Variants in CDH13 observed in about 807,000 individuals in gnomAD.
CDH13 encodes cadherin-13.
In CDH13, 24 loss-of-function variants were observed where a neutral mutation model predicts 63.8. The ratio of observed to expected loss-of-function variants is 0.38; its 90% CI spans 0.27 to 0.53. CDH13 has a LOEUF of 0.53. Ranked by LOEUF, CDH13 falls within the 20% of genes least tolerant of loss-of-function variation. The pLI, the probability that CDH13 is intolerant of heterozygous loss-of-function variation, is 0.85. For missense variants in CDH13, 1,049 were observed against 903.1 expected (o/e 1.16, Z -2.07); for synonymous variants, 503 against 355.3 (o/e 1.42, Z -4.67).
rs1904276060 is a variant in CDH13 at position 83,795,258 on chromosome 16, T to C, written c.*228T>C. The C allele has an allele frequency of 5.6e-6, 3 of 537,066 alleles. No homozygotes were observed. The highest frequency in any genetic ancestry group is 2.4e-5 in the South Asian group (1 of 42,164). 33.3% of individuals were successfully genotyped at this position (537,066 alleles called of 1,614,324 possible). A position where few individuals can be genotyped will look rare whatever the true frequency, so the allele number is the denominator to read the frequency against. ...TGGAATCTTCTGAATTTTCCCTGAA[T>C]GTTTAAAGATCATGACATATGACTT... On this transcript the variant is annotated 3_prime_UTR_variant, in exon 14 of 14. Transcript: ENST00000567109.
chr16:82,997,061 G>A (rs1324757760), intron 2 of CDH13, among the ~76,000 whole-genome samples: 4 of 151,698 alleles, frequency 2.6e-5, no homozygotes, highest in Non-Finnish European at 5.9e-5. Context: ...TGATAGTGAT[G>A]GTGATGGTGG....
chr16:83,311,934 C>T (rs1160440093), intron 5 of CDH13, among the ~76,000 whole-genome samples: 4 of 151,622 alleles, frequency 2.6e-5, no homozygotes, highest in Admixed American at 2.0e-4. Flanking sequence ...ATTAGCCAGG[C>T]GTGGTGGTGC....
chr16:83,650,704 C>A (rs1912289306), intron 8 of CDH13, among the ~76,000 whole-genome samples: 1 of 152,134 alleles, frequency 6.6e-6, no homozygotes, highest in East Asian at 1.9e-4. Flanking sequence ...AACAATTATC[C>A]ATCCCAGAAT....
chr16:82,773,348 C>A (rs2035348136), intron 1 of CDH13: 1 of 152,266 alleles, frequency 6.6e-6, no homozygotes, highest in African/African-American at 2.4e-5. Context: ...TAGTAGCCAG[C>A]AGCAAGGACA....
At chr16:82,732,245 G>A (rs1230040340) in intron 1 of CDH13, among the ~76,000 whole-genome samples, 4 of 152,002 alleles carry the variant, frequency 2.6e-5, no homozygotes, top group African/African-American at 7.3e-5. Context: ...GAAATATTAT[G>A]TTTGTAGCTG....
intron 2 of CDH13, among the ~76,000 whole-genome samples, chr16:83,011,013 A>G (rs1914098422): frequency 6.6e-6 from 1 of 152,186 alleles, no homozygotes; most frequent in Non-Finnish European, 1.5e-5. Flanking sequence ...GCCTAATTTT[A>G]AATGGCTTAC....
chr16:83,144,986 T>C (rs1294410299), intron 4 of CDH13, among the ~76,000 whole-genome samples: 1 of 152,210 alleles, frequency 6.6e-6, no homozygotes, highest in Admixed American at 6.5e-5. Context: ...TCCTGGGGCT[T>C]GTGATACAGA....
chr16:82,699,516 G>T (rs1269758406), intron 1 of CDH13, among the ~76,000 whole-genome samples: 1 of 152,166 alleles, frequency 6.6e-6, no homozygotes, highest in East Asian at 1.9e-4. Flanking sequence ...CATTAACATG[G>T]CCACCCTTAA....
At chr16:82,985,514 G>A (rs80265945) in intron 2 of CDH13, among the ~76,000 whole-genome samples, 72 of 152,254 alleles carry the variant, frequency 4.7e-4, no homozygotes, top group Admixed American at 1.5e-3. Flanking sequence ...CCTTTCTCTT[G>A]CAGATAAATT....
intron 5 of CDH13, among the ~76,000 whole-genome samples, chr16:83,230,216 A>G (rs144740410): frequency 9.8e-5 from 15 of 152,302 alleles, no homozygotes; most frequent in African/African-American, 3.6e-4. Flanking sequence ...CCAAAGTCAC[A>G]TTAGTTCCTG....
At chr16:83,253,101 T>G (rs371572970) in intron 5 of CDH13, among the ~76,000 whole-genome samples, 1 of 152,230 alleles carries the variant, frequency 6.6e-6, no homozygotes. Context: ...CTTACTAATC[T>G]GGTGGTGGTG....
intron 7 of CDH13, among the ~76,000 whole-genome samples, chr16:83,526,358 T>G (rs28573280): frequency 6.6e-6 from 1 of 152,086 alleles, no homozygotes; most frequent in Non-Finnish European, 1.5e-5. Context: ...ACCAGTTTCA[T>G]GGAAGACAAT....
chr16:82,966,734 T>A (rs141759905), intron 2 of CDH13, among the ~76,000 whole-genome samples: 2 of 152,362 alleles, frequency 1.3e-5, no homozygotes, highest in Non-Finnish European at 2.9e-5. Context: ...TCACATTTAC[T>A]TAATGATTCC....
intron 7 of CDH13, among the ~76,000 whole-genome samples, chr16:83,541,637 G>A (rs1014153253): frequency 1.3e-5 from 2 of 152,216 alleles, no homozygotes; most frequent in Middle Eastern, 3.2e-3. Flanking sequence ...AAGGTCTAGA[G>A]GAAGGCACAG....
At chr16:83,166,213 C>G (rs1035905839) in intron 4 of CDH13, among the ~76,000 whole-genome samples, 5 of 152,112 alleles carry the variant, frequency 3.3e-5, no homozygotes, top group South Asian at 4.2e-4. Context: ...ATTCTTGATA[C>G]TGTAAGTGAA....
At chr16:82,650,787 T>C (rs1419907514) in intron 1 of CDH13, among the ~76,000 whole-genome samples, 2 of 152,196 alleles carry the variant, frequency 1.3e-5, no homozygotes, top group Non-Finnish European at 2.9e-5. Context: ...ACATCCAGGA[T>C]TGATTTTGCA....
intron 10 of CDH13, among the ~76,000 whole-genome samples, chr16:83,718,530 A>G (rs560840713): frequency 1.4e-4 from 22 of 152,272 alleles, no homozygotes; most frequent in African/African-American, 4.3e-4. Context: ...AGATTCCTGG[A>G]AAAAGGTGGA....
chr16:82,796,437 G>A (rs1301910991), intron 1 of CDH13, among the ~76,000 whole-genome samples: 1 of 152,182 alleles, frequency 6.6e-6, no homozygotes, highest in Non-Finnish European at 1.5e-5. Flanking sequence ...CTGAATTCCT[G>A]TTCTGGGCCA....
At chr16:83,689,623 A>G (rs1345934606) in intron 10 of CDH13, among the ~76,000 whole-genome samples, 2 of 152,166 alleles carry the variant, frequency 1.3e-5, no homozygotes, top group East Asian at 1.9e-4. Context: ...GCTCTAAACT[A>G]CAGTCCTCCT....
Sources: allele counts gnomAD v4.1 joint callset (sites outside exome capture counted in the v4.1 genomes callset), GRCh38; gene constraint gnomAD v4.1.1; transcripts MANE v1.5; gene names NCBI Gene and HGNC (gene_info 2026-07-23, HGNC 2026-07-21).